KCNQ1: variants seen among roughly 807,000 people sequenced by gnomAD.
The protein encoded by KCNQ1 is potassium voltage-gated channel subfamily KQT member 1.
Under a neutral mutation model 72.4 loss-of-function variants are expected in KCNQ1, and 49 were observed. That is an observed-to-expected ratio of 0.68 (90% confidence interval 0.54 to 0.86). The LOEUF (loss-of-function observed/expected upper bound fraction) is 0.86. Among genes scored for constraint, KCNQ1 ranks in the 40% least tolerant of loss-of-function variants. KCNQ1 has a pLI of 0.00. For missense variants in KCNQ1, 790 were observed against 945.1 expected (o/e 0.84, Z 2.15); for synonymous variants, 450 against 412.6 (o/e 1.09, Z -1.10).
At chr11:2,846,218 C>A (rs1178757385) in intron 15 of KCNQ1, among the ~76,000 whole-genome samples, 1 of 152,178 alleles carries the variant, frequency 6.6e-6, no homozygotes. Context: ...GGCCAGCTCC[C>A]GCCTGCTGCC....
In KCNQ1 at chr11:2,674,168, A is replaced by G; in HGVS notation, c.1514+12087A>G. ...GCTCAGGAAGGGAAGGAATGTGACCAAGGCTGGGTGTGGCTGGGGAGAGCA... is the reference window on the plus strand; with the variant it reads ...GCTCAGGAAGGGAAGGAATGTGACCGAGGCTGGGTGTGGCTGGGGAGAGCA... On this transcript the variant is annotated intron_variant, in intron 11 of 15. Transcript: ENST00000155840. The surrounding 1 kb of genome is among the most constrained non-coding windows in gnomAD (Gnocchi z 5.9). The G allele has an allele frequency of 2.5e-6, 1 of 398,664 alleles. No individual in the cohort carries two copies. The highest frequency in any genetic ancestry group is 4.4e-5 in the Admixed American group (1 of 22,730). 24.7% of individuals were successfully genotyped at this position (398,664 alleles called of 1,614,324 possible).
Position 2,621,229 on chromosome 11 carries a change from C to G in KCNQ1, c.1393+32375C>G. The stretch of plus-strand genomic sequence containing the variant: ...CTGACCCCAGATGATCCACGCACCT[C>G]AGCCTCCCAAAGTGCTAGGACTACA... On this transcript the variant is annotated intron_variant, in intron 10 of 15. Transcript: ENST00000155840. The surrounding 1 kb of genome is among the most constrained non-coding windows in gnomAD (Gnocchi z 5.7). The G allele has an allele frequency of 2.5e-6, 1 of 397,970 alleles. No homozygotes were observed. The highest frequency in any genetic ancestry group is 4.4e-6 in the Non-Finnish European group (1 of 226,022). The allele number at this position is 397,970 out of a possible 1,614,324, so 24.7% of individuals were successfully genotyped here. A position where few individuals can be genotyped will look rare whatever the true frequency, so the allele number is the denominator to read the frequency against.
Position 2,785,059 on chromosome 11 carries a change from T to C in KCNQ1, c.1794+7022T>C, listed in dbSNP as rs142137000. ...ACTGGCTTGAACTTCAAAAAAAATATTGACTAGAAGTGCTAGAGCAGATCT... is the reference window on the plus strand; with the variant it reads ...ACTGGCTTGAACTTCAAAAAAAATACTGACTAGAAGTGCTAGAGCAGATCT... On this transcript the variant is annotated intron_variant, in intron 15 of 15. Coordinates refer to ENST00000155840, the MANE Select transcript of KCNQ1 (RefSeq NM_000218.3). This position sits in a 1 kb window ranked among gnomAD's most constrained non-coding sequence, Gnocchi z 4.4. 9.5e-4 allele frequency among the ~76,000 whole-genome samples: 144 copies of C among 152,162 alleles called. No individual in the cohort carries two copies. Among genetic ancestry groups the C allele is most frequent in the Admixed American group, 8.8e-3 (134 of 15,296 alleles).
chr11:2,461,323 C>T, intron 1 of KCNQ1: 1 of 901,606 alleles, frequency 1.1e-6, no homozygotes, highest in Admixed American at 3.5e-5. Flanking sequence ...GATTTGTAGT[C>T]TGGTTGCTGT....
At chr11:2,591,772 C>A (rs898900650) in intron 10 of KCNQ1, among the ~76,000 whole-genome samples, 3 of 152,268 alleles carry the variant, frequency 2.0e-5, no homozygotes, top group African/African-American at 7.2e-5. Flanking sequence ...GAGAAGATTT[C>A]TCTTTCCTGC....
Position 2,671,318 on chromosome 11 carries a change from C to T in KCNQ1, c.1514+9237C>T. The T allele has an allele frequency of 5.0e-6, 2 of 398,612 alleles. No homozygotes were observed. Among genetic ancestry groups the T allele is most frequent in the Middle Eastern group, 6.3e-4 (1 of 1,588 alleles). The allele number at this position is 398,612 out of a possible 1,614,324, so 24.7% of individuals were successfully genotyped here. On this transcript the variant is annotated intron_variant, in intron 11 of 15. Transcript: ENST00000155840. This position sits in a 1 kb window ranked among gnomAD's most constrained non-coding sequence, Gnocchi z 4.7. ...ATAAGTAATCTTTTCCCATGTGTGG[C>T]TGCAGCCTCAGAGGCTCCCTCTGAA...
intron 11 of KCNQ1, chr11:2,680,810 C>G (rs1442535336): frequency 7.6e-6 from 2 of 262,020 alleles, no homozygotes; most frequent in East Asian, 1.2e-4. Flanking sequence ...ATAAATGGAA[C>G]CACATAGCAA....
intron 11 of KCNQ1, chr11:2,675,549 T>C (rs1850278503): frequency 2.5e-6 from 1 of 398,538 alleles, no homozygotes; most frequent in African/African-American, 2.1e-5. Flanking sequence ...CACTGGAAAT[T>C]CTGTAATAAG....
intron 10 of KCNQ1, among the ~76,000 whole-genome samples, chr11:2,596,124 A>G (rs923576643): frequency 6.6e-6 from 1 of 152,234 alleles, no homozygotes; most frequent in South Asian, 2.1e-4. Flanking sequence ...AAAAAACACA[A>G]TGAAATACCA....
At position 2,469,673 on chromosome 11, in the gene KCNQ1, A is replaced by AT. The variant is rs142349298; in HGVS notation, c.386+24199dup. Among the ~76,000 whole-genome samples, 161 of 150,552 alleles carry AT rather than the reference A, an allele frequency of 1.1e-3. 1 individual carries two copies. Among genetic ancestry groups the AT allele is most frequent in the African/African-American group, 3.6e-3 (147 of 41,050 alleles). On this transcript the variant is annotated intron_variant, in intron 1 of 15. Transcript: ENST00000155840. ...GCTAGTCCTTCAGTTCTTTTAAACA[A>AT]TTTTTTTTTTCTTTTTTTGAGACGG...
At position 2,658,033 on chromosome 11, in the gene KCNQ1, GA is replaced by G. The variant is rs1255568168; in HGVS notation, c.1394-3926del. 2 of 398,420 alleles carry G rather than the reference GA, an allele frequency of 5.0e-6. No homozygotes were observed. The highest frequency in any genetic ancestry group is 8.8e-5 in the Admixed American group (2 of 22,714). 24.7% of individuals were successfully genotyped at this position (398,420 alleles called of 1,614,324 possible). On this transcript the variant is annotated intron_variant, in intron 10 of 15. Coordinates refer to ENST00000155840, the MANE Select transcript of KCNQ1 (RefSeq NM_000218.3). The surrounding 1 kb of genome is among the most constrained non-coding windows in gnomAD (Gnocchi z 4.9). ...TTCCCTTTCCATAGCTTAGTCTTTA[GA>G]AGCGAGTCACTAAGTATAGCCCACA...
chr11:2,742,760 G>A (rs147561312), intron 11 of KCNQ1, among the ~76,000 whole-genome samples: 21 of 152,342 alleles, frequency 1.4e-4, no homozygotes, highest in African/African-American at 4.3e-4. Flanking sequence ...ACAGCCATGC[G>A]CGGGGGCCCG....
At chr11:2,790,577 T>A (rs1590089542) in intron 15 of KCNQ1, among the ~76,000 whole-genome samples, 1 of 152,144 alleles carries the variant, frequency 6.6e-6, no homozygotes, top group South Asian at 2.1e-4. Flanking sequence ...TGACCTCCTC[T>A]CACGCCTTTG....
rs559627598 is a variant in KCNQ1 at position 2,593,431 on chromosome 11, G to T, written c.1393+4577G>T. On this transcript the variant is annotated intron_variant, in intron 10 of 15. Coordinates refer to ENST00000155840, the MANE Select transcript of KCNQ1 (RefSeq NM_000218.3). This position sits in a 1 kb window ranked among gnomAD's most constrained non-coding sequence, Gnocchi z 6.9. Reference sequence around the variant, plus strand: ...GGGCTGTAAGGTCGTGGTCTGTGACGTAGGATCGGGCAGCACGCACCTTTC... The same window carrying T: ...GGGCTGTAAGGTCGTGGTCTGTGACTTAGGATCGGGCAGCACGCACCTTTC... 2.0e-5 allele frequency among the ~76,000 whole-genome samples: 3 copies of T among 152,186 alleles called. No homozygotes were observed. The highest frequency in any genetic ancestry group is 7.2e-5 in the African/African-American group (3 of 41,446).
At chr11:2,522,271 G>C (rs1190726735) in intron 1 of KCNQ1, among the ~76,000 whole-genome samples, 9 of 19,180 alleles carry the variant, frequency 4.7e-4, no homozygotes, top group African/African-American at 8.2e-4. Flanking sequence ...CACATGAGCT[G>C]GGGGGGGGTC....
rs755308841 is a variant in KCNQ1 at position 2,669,404 on chromosome 11, G to A, written c.1514+7323G>A. The A allele has an allele frequency of 7.5e-6, 3 of 398,652 alleles. No individual in the cohort carries two copies. The highest frequency in any genetic ancestry group is 1.3e-5 in the Non-Finnish European group (3 of 226,078). 24.7% of individuals were successfully genotyped at this position (398,652 alleles called of 1,614,324 possible). On this transcript the variant is annotated intron_variant, in intron 11 of 15. Coordinates refer to ENST00000155840, the MANE Select transcript of KCNQ1 (RefSeq NM_000218.3). The surrounding 1 kb of genome is among the most constrained non-coding windows in gnomAD (Gnocchi z 5.6). ...TGGGGCTCCTGAAACATGGCATCAT[G>A]TGTCCCTTGTTTATTTAGGTTGACT...
In KCNQ1 at chr11:2,537,997, A is replaced by G. The variant is rs188813585; in HGVS notation, c.477+9979A>G. Among the ~76,000 whole-genome samples the G allele has an allele frequency of 8.5e-4, 130 of 152,316 alleles. No individual in the cohort carries two copies. Among genetic ancestry groups the G allele is most frequent in the African/African-American group, 3.0e-3 (125 of 41,574 alleles). On this transcript the variant is annotated intron_variant, in intron 2 of 15. Transcript: ENST00000155840. The surrounding 1 kb of genome is among the most constrained non-coding windows in gnomAD (Gnocchi z 5.2). ...AACCCAAAGTGCTGAGATTATAGGC[A>G]TGAACCACTGCACTCAGCCTGCTTT...
At chr11:2,610,190 C>T (rs1368061496) in intron 10 of KCNQ1, 2 of 397,528 alleles carry the variant, frequency 5.0e-6, no homozygotes, top group South Asian at 1.3e-4. Flanking sequence ...TTAGTGTTTG[C>T]TCTAGGGCTT....
intron 11 of KCNQ1, among the ~76,000 whole-genome samples, chr11:2,737,969 C>G (rs1277595974): frequency 6.6e-6 from 1 of 152,238 alleles, no homozygotes; most frequent in East Asian, 1.9e-4. Flanking sequence ...CAGCTTCATC[C>G]ATTTCCTGCT....
Sources: allele counts gnomAD v4.1 joint callset (sites outside exome capture counted in the v4.1 genomes callset), GRCh38; gene constraint gnomAD v4.1.1; non-coding constraint Gnocchi (gnomAD v3.1); transcripts MANE v1.5; gene names NCBI Gene and HGNC (gene_info 2026-07-23, HGNC 2026-07-21).